Variants in ADGRG7 observed in about 807,000 individuals in gnomAD.
ADGRG7 encodes the protein adhesion G protein-coupled receptor G7.
ADGRG7 carries 82 observed loss-of-function variants against 88.6 expected under a neutral mutation model. That is an observed-to-expected ratio of 0.93 (90% CI 0.77 to 1.11). The LOEUF (loss-of-function observed/expected upper bound fraction) is 1.11, where lower values mean the gene tolerates loss of function less well. Ranked by LOEUF, ADGRG7 falls within the 50% of genes most tolerant of loss-of-function variation. ADGRG7 has a pLI of 0.00. For synonymous variants in ADGRG7, 381 were observed against 345.2 expected (o/e 1.10, Z -1.15); for missense variants, 945 against 953.4 (o/e 0.99, Z 0.12).
chr3:100,635,507 T>C (rs566987111), intron 4 of ADGRG7, 170 bp from the exon 5 acceptor site: 1 of 1,403,104 alleles, frequency 7.1e-7, no homozygotes, highest in Non-Finnish European at 9.3e-7. Context: ...CTGGTCTGCA[T>C]GTACTTTGTC....
chr3:100,693,365 C>T (rs2094996952), intron 15 of ADGRG7, among the ~76,000 whole-genome samples: 1 of 152,216 alleles, frequency 6.6e-6, no homozygotes, highest in Non-Finnish European at 1.5e-5. Context: ...AATGACCACT[C>T]CTGTCCTTCT....
intron 1 of ADGRG7, among the ~76,000 whole-genome samples, chr3:100,612,466 C>A (rs952886935): frequency 6.6e-6 from 1 of 152,152 alleles, no homozygotes; most frequent in African/African-American, 2.4e-5. Context: ...AGCAGTATAG[C>A]TTTTGGGCCC....
chr3:100,687,077 T>C (rs2094984048), intron 15 of ADGRG7, among the ~76,000 whole-genome samples: 3 of 152,188 alleles, frequency 2.0e-5, no homozygotes, highest in African/African-American at 4.8e-5. Context: ...TTGTAGTTCT[T>C]CTTGAAGAGG....
At position 100,657,185 on chromosome 3, in the gene ADGRG7, G is replaced by A. The variant is rs113403060; in HGVS notation, c.1823+1190G>A. ...AACTGATAATAAGAGAAGCTGGGGA[G>A]AGAGGAAAGGATGTGTGACATAAGC... On this transcript the variant is annotated intron_variant, in intron 13 of 15. Coordinates refer to ENST00000273352, the MANE Select transcript of ADGRG7 (RefSeq NM_032787.3). 8.6e-3 allele frequency among the ~76,000 whole-genome samples: 1,304 copies of A among 152,262 alleles called. 14 individuals carry two copies. Among genetic ancestry groups the A allele is most frequent in the African/African-American group, 0.019 (776 of 41,542 alleles).
intron 1 of ADGRG7, among the ~76,000 whole-genome samples, chr3:100,613,255 C>CA (rs891613408): frequency 7.2e-5 from 11 of 152,082 alleles, no homozygotes; most frequent in Admixed American, 5.2e-4. Flanking sequence ...TATTGTTTGT[C>CA]AAAAAATAAT....
At chr3:100,638,550 G>C (rs1022717251) in intron 6 of ADGRG7, among the ~76,000 whole-genome samples, 1 of 152,142 alleles carries the variant, frequency 6.6e-6, no homozygotes, top group Non-Finnish European at 1.5e-5. Flanking sequence ...TTCGTAAAAA[G>C]ACATTATTCA....
At chr3:100,682,141 G>T (rs1381356526) in intron 15 of ADGRG7, among the ~76,000 whole-genome samples, 1 of 152,162 alleles carries the variant, frequency 6.6e-6, no homozygotes, top group Non-Finnish European at 1.5e-5. Context: ...CCCAGAGCCT[G>T]CCCCAGGGAG....
chr3:100,681,727 T>C (rs576629679), intron 15 of ADGRG7, among the ~76,000 whole-genome samples: 1 of 152,224 alleles, frequency 6.6e-6, no homozygotes, highest in Non-Finnish European at 1.5e-5. Flanking sequence ...AAATGGACTT[T>C]ACTCTCTGTA....
chr3:100,641,913 A>G (rs1324569244), intron 6 of ADGRG7, among the ~76,000 whole-genome samples: 1 of 152,242 alleles, frequency 6.6e-6, no homozygotes, highest in African/African-American at 2.4e-5. Context: ...CCCCGTTTCC[A>G]AGAATCTGAT....
At chr3:100,652,160 T>C (rs987874430) in intron 11 of ADGRG7, among the ~76,000 whole-genome samples, 3 of 152,176 alleles carry the variant, frequency 2.0e-5, no homozygotes, top group Non-Finnish European at 4.4e-5. Context: ...GAGTACTTTT[T>C]GCAGTTCTGG....
Position 100,656,008 on chromosome 3 carries a change from T to A in ADGRG7, c.1823+13T>A, listed in dbSNP as rs971739805. The stretch of plus-strand genomic sequence containing the variant: ...GGCAAGAGAAAATGTGAGTTTATAT[T>A]TTTTTAAATGTCCAATTGTTTGACC... On this transcript the variant is annotated intron_variant, in intron 13 of 15. Coordinates refer to ENST00000273352, the MANE Select transcript of ADGRG7 (RefSeq NM_032787.3). 3.3e-6 allele frequency: 5 copies of A among 1,518,146 alleles called. No individual in the cohort carries two copies. The African/African-American group carries it at 5.5e-5, about 17-fold the overall frequency. The allele number at this position is 1,518,146 out of a possible 1,614,324, so 94.0% of individuals were successfully genotyped here. A position where few individuals can be genotyped will look rare whatever the true frequency, so the allele number is the denominator to read the frequency against.
chr3:100,642,022 G>A (rs1337376863), intron 6 of ADGRG7, among the ~76,000 whole-genome samples: 1 of 152,218 alleles, frequency 6.6e-6, no homozygotes, highest in African/African-American at 2.4e-5. Flanking sequence ...ATGACAAGAG[G>A]AGGAAAGAAG....
chr3:100,652,556 A>C (rs1339716269), intron 11 of ADGRG7, among the ~76,000 whole-genome samples: 42 of 152,224 alleles, frequency 2.8e-4, no homozygotes, highest in Admixed American at 2.7e-3. Flanking sequence ...AAAGTGTAAC[A>C]TGCCTTTAAG....
intron 14 of ADGRG7, among the ~76,000 whole-genome samples, chr3:100,663,489 C>A (rs2094948149): frequency 6.6e-6 from 1 of 152,004 alleles, no homozygotes; most frequent in Non-Finnish European, 1.5e-5. Flanking sequence ...TCTTTTGCCT[C>A]CAAGAACCAA....
At chr3:100,621,728 T>A (rs1300308970) in intron 1 of ADGRG7, among the ~76,000 whole-genome samples, 2 of 152,172 alleles carry the variant, frequency 1.3e-5, no homozygotes, top group Non-Finnish European at 2.9e-5. Context: ...AATAAGATAA[T>A]TGATGAAGAT....
intron 14 of ADGRG7, chr3:100,665,128 T>G: frequency 1.9e-6 from 1 of 533,126 alleles, no homozygotes; most frequent in Non-Finnish European, 3.8e-6. Flanking sequence ...ATATCTTGGT[T>G]AGTTCAGCTG....
At position 100,646,684 on chromosome 3, in the gene ADGRG7, G is replaced by A. The variant is rs149768401; in HGVS notation, c.1226G>A (p.Arg409His). 2.1e-4 allele frequency: 343 copies of A among 1,613,446 alleles called. 3 individuals carry two copies. In the African/African-American group the frequency reaches 3.6e-3, roughly 17 times the overall value. ...GACAAGGGCACTGATGGATTCCTGC[G>A]CTGCCGCTGCAACCATACTACTAAT... ...QKDKGTDGFL[R>H]CRCNHTTNFA... The change falls in exon 10 of 16, where the codon CGC (arginine) becomes CAC (histidine). Residue 409 changes from arginine to histidine, a missense_variant. Transcript: ENST00000273352.
chr3:100,655,272 C>T, intron 12 of ADGRG7, 91 bp downstream of exon 12: 1 of 874,814 alleles, frequency 1.1e-6, no homozygotes, highest in Non-Finnish European at 1.8e-6. Flanking sequence ...AGTCCAAGGC[C>T]TTGACGTAAT....
chr3:100,630,573 A>G, intron 2 of ADGRG7, 132 bp from the exon 3 acceptor site: 1 of 391,138 alleles, frequency 2.6e-6, no homozygotes, highest in Non-Finnish European at 4.5e-6. Context: ...AGTTCCTCAC[A>G]GGCCAGTGGG....
Sources: gnomAD v4.1 joint callset for allele counts (sites outside exome capture counted in the v4.1 genomes callset) on GRCh38, gnomAD v4.1.1 for gene constraint, MANE v1.5 for transcripts, NCBI Gene and HGNC (gene_info 2026-07-23, HGNC 2026-07-21) for gene names.